RFX3: variants seen among roughly 807,000 people sequenced by gnomAD.
RFX3 encodes the protein transcription factor RFX3.
A neutral mutation model predicts 98.6 loss-of-function variants in RFX3; 14 were observed. The observed-to-expected ratio is 0.14, with a 90% CI of 0.09 to 0.22. The LOEUF (loss-of-function observed/expected upper bound fraction) is 0.22, where lower values mean the gene tolerates loss of function less well. Among genes scored for constraint, RFX3 ranks in the 10% least tolerant of loss-of-function variants. The pLI, the probability that RFX3 is intolerant of heterozygous loss-of-function variation, is 1.00. For synonymous variants in RFX3, 383 were observed against 328.4 expected (o/e 1.17, Z -1.80); for missense variants, 639 against 926.9 (o/e 0.69, Z 4.03).
At chr9:3,465,720 G>A (rs1218974894) in intron 1 of RFX3, among the ~76,000 whole-genome samples, 1 of 151,954 alleles carries the variant, frequency 6.6e-6, no homozygotes, top group South Asian at 2.1e-4. Context: ...AGAAGAGAAG[G>A]TATGCAAACA....
chr9:3,423,537 A>G (rs1233462964), intron 1 of RFX3, among the ~76,000 whole-genome samples: 1 of 152,066 alleles, frequency 6.6e-6, no homozygotes, highest in African/African-American at 2.4e-5. Flanking sequence ...ACAAGAGTAC[A>G]TAATGCTTTA....
chr9:3,239,468 G>A (rs979132910), intron 15 of RFX3, among the ~76,000 whole-genome samples: 1 of 152,228 alleles, frequency 6.6e-6, no homozygotes, highest in East Asian at 1.9e-4. Flanking sequence ...TCCTGGCAAT[G>A]TGTGCTACTG....
At chr9:3,473,811 T>G (rs1216980174) in intron 1 of RFX3, among the ~76,000 whole-genome samples, 1 of 152,232 alleles carries the variant, frequency 6.6e-6, no homozygotes, top group Non-Finnish European at 1.5e-5. Context: ...AAAGGTCTTG[T>G]ATCTTTAAAA....
At chr9:3,433,162 A>G (rs148684099) in intron 1 of RFX3, among the ~76,000 whole-genome samples, 11 of 152,228 alleles carry the variant, frequency 7.2e-5, no homozygotes, top group Middle Eastern at 6.8e-3. Context: ...AAATCCAAAT[A>G]TAAGTGAATC....
At chr9:3,339,212 C>A (rs1833572542) in intron 3 of RFX3, among the ~76,000 whole-genome samples, 1 of 151,862 alleles carries the variant, frequency 6.6e-6, no homozygotes. Flanking sequence ...ACCAAAATTT[C>A]CAGTGCTATA....
At position 3,487,671 on chromosome 9, in the gene RFX3, G is replaced by A. The variant is rs774932516; in HGVS notation, c.-9+38076C>T. On this transcript the variant is annotated intron_variant, in intron 1 of 16. Coordinates refer to ENST00000617270, the MANE Select transcript of RFX3 (RefSeq NM_001282116.2). Reference sequence around the variant, plus strand: ...GAAAAGCAATATAGAGAGCAGCTTCGAAACCCTGTCTCCCAGTAAAGTACT... The same window carrying A: ...GAAAAGCAATATAGAGAGCAGCTTCAAAACCCTGTCTCCCAGTAAAGTACT... 7.2e-5 allele frequency among the ~76,000 whole-genome samples: 11 copies of A among 151,980 alleles called. No individual in the cohort carries two copies. The South Asian group carries it at 8.4e-4, about 12-fold the overall frequency.
At chr9:3,310,901 C>T (rs772991133) in intron 4 of RFX3, among the ~76,000 whole-genome samples, 3 of 151,962 alleles carry the variant, frequency 2.0e-5, no homozygotes, top group Non-Finnish European at 4.4e-5. Context: ...TCAAAATTTG[C>T]TAAATGATTT....
chr9:3,487,433 A>G (rs1420883334), intron 1 of RFX3, among the ~76,000 whole-genome samples: 1 of 152,250 alleles, frequency 6.6e-6, no homozygotes, highest in African/African-American at 2.4e-5. Flanking sequence ...GTAAAAGGTT[A>G]GTAACTTGTA....
intron 2 of RFX3, among the ~76,000 whole-genome samples, chr9:3,359,091 A>G (rs1259237815): frequency 3.3e-5 from 5 of 151,898 alleles, no homozygotes; most frequent in African/African-American, 4.8e-5. Flanking sequence ...TGGGCCTACG[A>G]GACCCTTGAA....
chr9:3,259,572 A>G (rs774064306), intron 13 of RFX3, among the ~76,000 whole-genome samples: 5 of 151,954 alleles, frequency 3.3e-5, no homozygotes, highest in Admixed American at 6.6e-5. Context: ...TTTTAAATAC[A>G]GAAACACAAC....
At position 3,224,764 on chromosome 9, in the gene RFX3, A is replaced by G. The variant is rs989484690; in HGVS notation, c.*278T>C. 10 of 274,598 alleles carry G rather than the reference A, an allele frequency of 3.6e-5. No individual in the cohort carries two copies. Among genetic ancestry groups the G allele is most frequent in the Non-Finnish European group, 6.1e-5 (9 of 146,820 alleles). 17.0% of individuals were successfully genotyped at this position (274,598 alleles called of 1,614,324 possible). ...AAAAAATGTAAATTACTTTTTAATT[A>G]TAAGAAAACAAAACATTGACATTAA... On this transcript the variant is annotated 3_prime_UTR_variant, in exon 17 of 17. Transcript: ENST00000617270.
intron 1 of RFX3, among the ~76,000 whole-genome samples, chr9:3,504,954 ATAT>A (rs1396987323): frequency 9.9e-5 from 7 of 70,862 alleles, no homozygotes; most frequent in Non-Finnish European, 1.4e-4. Flanking sequence ...AATATAATAT[ATAT>A]TATATATAAT....
At chr9:3,514,640 G>A (rs948568560) in intron 1 of RFX3, among the ~76,000 whole-genome samples, 12 of 152,038 alleles carry the variant, frequency 7.9e-5, no homozygotes. Flanking sequence ...GTAGAAACAG[G>A]GTCTCACTAT....
At position 3,479,120 on chromosome 9, in the gene RFX3, A is replaced by G. The variant is rs571632545; in HGVS notation, c.-9+46627T>C. On this transcript the variant is annotated intron_variant, in intron 1 of 16. Transcript: ENST00000617270. ...CACCACTAAGCTGGAGAGAGAGATG[A>G]GAATAACCCCAAGTTAAAATATCGC... Among the ~76,000 whole-genome samples the G allele has an allele frequency of 2.6e-5, 4 of 152,366 alleles. No homozygotes were observed. In the South Asian group the frequency reaches 8.3e-4, roughly 32 times the overall value.
intron 1 of RFX3, among the ~76,000 whole-genome samples, chr9:3,485,787 A>G (rs1006149323): frequency 6.6e-6 from 1 of 152,218 alleles, no homozygotes; most frequent in Non-Finnish European, 1.5e-5. Context: ...AATTAGCATC[A>G]GAATTATAAT....
intron 1 of RFX3, among the ~76,000 whole-genome samples, chr9:3,504,400 T>A (rs1321081955): frequency 3.0e-5 from 4 of 134,386 alleles, no homozygotes; most frequent in Non-Finnish European, 1.5e-5. Context: ...ATATATTGTA[T>A]ATAAAATATA....
chr9:3,411,834 C>T (rs556734649), intron 1 of RFX3, among the ~76,000 whole-genome samples: 136 of 152,134 alleles, frequency 8.9e-4, no homozygotes, highest in African/African-American at 1.5e-3. Context: ...ATTATACGGA[C>T]CTAGTCAGCC....
intron 1 of RFX3, among the ~76,000 whole-genome samples, chr9:3,466,639 G>C (rs184636120): frequency 7.5e-4 from 114 of 152,132 alleles, no homozygotes; most frequent in African/African-American, 2.4e-3. Flanking sequence ...TGTATAAAAA[G>C]ATTCAATTAG....
chr9:3,429,113 C>A (rs1204457275), intron 1 of RFX3, among the ~76,000 whole-genome samples: 1 of 150,474 alleles, frequency 6.6e-6, no homozygotes, highest in South Asian at 2.1e-4. Flanking sequence ...AGCTCCGCCT[C>A]CCGGGTTCAT....
Sources: gnomAD v4.1 joint callset for allele counts (sites outside exome capture counted in the v4.1 genomes callset) on GRCh38, gnomAD v4.1.1 for gene constraint, MANE v1.5 for transcripts, NCBI Gene and HGNC (gene_info 2026-07-23, HGNC 2026-07-21) for gene names.